SEMA6D: variants seen among roughly 807,000 people sequenced by gnomAD.
SEMA6D encodes the protein semaphorin-6D.
Under a neutral mutation model 106.6 loss-of-function variants are expected in SEMA6D, and 35 were observed. That is an observed-to-expected ratio of 0.33 (90% CI 0.25 to 0.44). The LOEUF (loss-of-function observed/expected upper bound fraction) is 0.44. Among genes scored for constraint, SEMA6D ranks in the 20% least tolerant of loss-of-function variants. The pLI is 1.00. For synonymous variants in SEMA6D, 499 were observed against 487.7 expected (o/e 1.02, Z -0.31); for missense variants, 1,185 against 1,345.9 (o/e 0.88, Z 1.87).
At chr15:47,189,907 T>A (rs745773713) in intron 1 of SEMA6D, among the ~76,000 whole-genome samples, 1 of 152,256 alleles carries the variant, frequency 6.6e-6, no homozygotes, top group Non-Finnish European at 1.5e-5. Context: ...ATCAAATTAA[T>A]GTATCACTGA....
At chr15:47,444,773 T>A (rs1158761890) in intron 2 of SEMA6D, among the ~76,000 whole-genome samples, 1 of 151,826 alleles carries the variant, frequency 6.6e-6, no homozygotes, top group Non-Finnish European at 1.5e-5. Flanking sequence ...TGTCTAGGAG[T>A]GGGTGTCTGT....
chr15:47,538,093 TG>T (rs2045232252), intron 3 of SEMA6D, among the ~76,000 whole-genome samples: 1 of 152,044 alleles, frequency 6.6e-6, no homozygotes, highest in African/African-American at 2.4e-5. Context: ...GAATTAGGGA[TG>T]GGGTAGAGAG....
At chr15:47,511,056 T>A (rs1428229015) in intron 3 of SEMA6D, among the ~76,000 whole-genome samples, 1 of 152,232 alleles carries the variant, frequency 6.6e-6, no homozygotes, top group African/African-American at 2.4e-5. Context: ...AATGCCAACA[T>A]GTAAAGCTTC....
chr15:47,672,009 C>A (rs1398525254), intron 4 of SEMA6D, among the ~76,000 whole-genome samples: 1 of 152,182 alleles, frequency 6.6e-6, no homozygotes, highest in Non-Finnish European at 1.5e-5. Flanking sequence ...GTGTACCAAA[C>A]ATTGTTCTAA....
At chr15:47,374,842 G>A (rs943092808) in intron 1 of SEMA6D, among the ~76,000 whole-genome samples, 1 of 152,144 alleles carries the variant, frequency 6.6e-6, no homozygotes. Context: ...CACTGAGGCT[G>A]AGTGGGAAAG....
At position 47,771,929 on chromosome 15, in the gene SEMA6D, A is replaced by T; in HGVS notation, c.*144A>T. ...AGAAACTCTTTCTAACTTTGGCAACATCAGAACTTGCCACATGTAGCTACT... is the reference window on the plus strand; with the variant it reads ...AGAAACTCTTTCTAACTTTGGCAACTTCAGAACTTGCCACATGTAGCTACT... On this transcript the variant is annotated 3_prime_UTR_variant, in exon 19 of 19. Transcript: ENST00000536845. 1 of 845,184 alleles carries T rather than the reference A, an allele frequency of 1.2e-6. No homozygotes were observed. Among genetic ancestry groups the T allele is most frequent in the Non-Finnish European group, 1.8e-6 (1 of 544,210 alleles). 52.4% of individuals were successfully genotyped at this position (845,184 alleles called of 1,614,324 possible). A position where few individuals can be genotyped will look rare whatever the true frequency, so the allele number is the denominator to read the frequency against.
chr15:47,414,999 T>TA (rs1365285960), intron 2 of SEMA6D, among the ~76,000 whole-genome samples: 7 of 152,274 alleles, frequency 4.6e-5, no homozygotes, highest in African/African-American at 1.7e-4. Flanking sequence ...TAGCTGGAGA[T>TA]AAAATAATAA....
At chr15:47,349,264 A>G (rs987075916) in intron 1 of SEMA6D, among the ~76,000 whole-genome samples, 1 of 152,152 alleles carries the variant, frequency 6.6e-6, no homozygotes, top group African/African-American at 2.4e-5. Flanking sequence ...AGCTGAAGGC[A>G]CTTTTTGTGG....
intron 1 of SEMA6D, among the ~76,000 whole-genome samples, chr15:47,393,858 A>T (rs2145858706): frequency 6.6e-6 from 1 of 152,346 alleles, no homozygotes; most frequent in South Asian, 2.1e-4. Context: ...GAAGATGAAC[A>T]TTTATGTAAA....
intron 4 of SEMA6D, among the ~76,000 whole-genome samples, chr15:47,683,935 T>C (rs1262390076): frequency 5.3e-5 from 8 of 152,240 alleles, no homozygotes; most frequent in Non-Finnish European, 8.8e-5. Flanking sequence ...TACCTAGTGA[T>C]AGCAAAATCC....
At chr15:47,725,090 A>G (rs1186097734) in intron 1 of SEMA6D, among the ~76,000 whole-genome samples, 7 of 152,210 alleles carry the variant, frequency 4.6e-5, no homozygotes, top group Non-Finnish European at 1.0e-4. Flanking sequence ...GCATATGTAT[A>G]TGAGGATTTT....
intron 3 of SEMA6D, among the ~76,000 whole-genome samples, chr15:47,501,129 C>T (rs1416776895): frequency 6.6e-6 from 1 of 152,258 alleles, no homozygotes; most frequent in East Asian, 1.9e-4. Context: ...TTCTCCTCAT[C>T]GGTTCAAACA....
chr15:47,575,446 G>A (rs996177291), intron 3 of SEMA6D, among the ~76,000 whole-genome samples: 46 of 152,146 alleles, frequency 3.0e-4, no homozygotes, highest in Admixed American at 2.0e-3. Context: ...GCTAGTATAA[G>A]AAGTCTGTCA....
intron 4 of SEMA6D, among the ~76,000 whole-genome samples, chr15:47,638,164 A>G (rs978825603): frequency 6.6e-6 from 1 of 152,154 alleles, no homozygotes; most frequent in African/African-American, 2.4e-5. Flanking sequence ...TAGCAATTTC[A>G]TAACAGTTTC....
At chr15:47,529,557 ATTC>A (rs749428956) in intron 3 of SEMA6D, among the ~76,000 whole-genome samples, 10 of 147,484 alleles carry the variant, frequency 6.8e-5, no homozygotes, top group Non-Finnish European at 1.3e-4. Flanking sequence ...AGAGATTCAA[ATTC>A]TTCTGGATGT....
chr15:47,259,106 G>A (rs1291560955), intron 1 of SEMA6D, among the ~76,000 whole-genome samples: 1 of 152,126 alleles, frequency 6.6e-6, no homozygotes, highest in South Asian at 2.1e-4. Flanking sequence ...TTTGGTTTAC[G>A]TCCTTATATC....
intron 4 of SEMA6D, among the ~76,000 whole-genome samples, chr15:47,661,634 A>G (rs1403041945): frequency 6.6e-6 from 1 of 152,202 alleles, no homozygotes; most frequent in African/African-American, 2.4e-5. Flanking sequence ...GGAGACTTTG[A>G]AGGTAAGACT....
chr15:47,210,481 A>C (rs1895412230), intron 1 of SEMA6D, among the ~76,000 whole-genome samples: 1 of 152,082 alleles, frequency 6.6e-6, no homozygotes, highest in Non-Finnish European at 1.5e-5. Flanking sequence ...ATCTATTTAG[A>C]AATCCAAGCC....
At chr15:47,369,825 A>T (rs1320019198) in intron 1 of SEMA6D, among the ~76,000 whole-genome samples, 1 of 152,232 alleles carries the variant, frequency 6.6e-6, no homozygotes, top group Non-Finnish European at 1.5e-5. Context: ...ACATTTTTTC[A>T]TGAGGCATCT....
Sources: gnomAD v4.1 joint callset for allele counts (sites outside exome capture counted in the v4.1 genomes callset) on GRCh38, gnomAD v4.1.1 for gene constraint, MANE v1.5 for transcripts, NCBI Gene and HGNC (gene_info 2026-07-23, HGNC 2026-07-21) for gene names.